ZMAT4: variants seen among roughly 807,000 people sequenced by gnomAD.
ZMAT4 encodes the protein zinc finger matrin-type protein 4.
Under a neutral mutation model 28.7 loss-of-function variants are expected in ZMAT4, and 17 were observed. The observed-to-expected ratio is 0.59, with a 90% CI of 0.41 to 0.89. ZMAT4 has a LOEUF of 0.89. ZMAT4 is among the 40% of genes least tolerant of loss of function. The probability of loss-of-function intolerance (pLI) is 0.00; values close to 1 mark genes in which losing one functional copy is unlikely to be tolerated. For missense variants in ZMAT4, 240 were observed against 283.8 expected (o/e 0.85, Z 1.11); for synonymous variants, 117 against 109.2 (o/e 1.07, Z -0.44).
chr8:40,599,265 T>C (rs1805212849), intron 5 of ZMAT4, among the ~76,000 whole-genome samples: 1 of 152,166 alleles, frequency 6.6e-6, no homozygotes, highest in African/African-American at 2.4e-5. Context: ...CAACATAGGA[T>C]CTGACACATA....
At chr8:40,567,724 A>G (rs555406134) in intron 6 of ZMAT4, among the ~76,000 whole-genome samples, 134 of 151,818 alleles carry the variant, frequency 8.8e-4, no homozygotes, top group African/African-American at 3.1e-3. Flanking sequence ...AGAAAGAACA[A>G]AAAAAAACCC....
intron 2 of ZMAT4, among the ~76,000 whole-genome samples, chr8:40,780,205 CACCTA>C (rs1813773544): frequency 6.6e-6 from 1 of 152,172 alleles, no homozygotes; most frequent in Non-Finnish European, 1.5e-5. Flanking sequence ...GCATTTGACA[CACCTA>C]ACCTACCCGA....
intron 3 of ZMAT4, among the ~76,000 whole-genome samples, chr8:40,719,568 T>TTTTTTTG (rs1251724751): frequency 1.3e-5 from 2 of 152,016 alleles, no homozygotes; most frequent in South Asian, 2.1e-4. Context: ...CTCAAGGCCC[T>TTTTTTTG]TTTTTTGTTT....
chr8:40,589,731 C>CCTTTCTTTCTTT (rs142961756), intron 5 of ZMAT4, among the ~76,000 whole-genome samples: 6,827 of 139,308 alleles, frequency 0.049, 263 homozygotes, highest in Non-Finnish European at 0.068. Context: ...TTCTTCCTTT[C>CCTTTCTTTCTTT]CTTTCTTTCT....
Position 40,763,374 on chromosome 8 carries a change from T to G in ZMAT4, c.192+4267A>C, listed in dbSNP as rs186565306. Among the ~76,000 whole-genome samples, 6 of 152,322 alleles carry G rather than the reference T, an allele frequency of 3.9e-5. No homozygotes were observed. In the East Asian group the frequency reaches 1.2e-3, roughly 29 times the overall value. ...TGGGTGATCACAGTCAATTACTTAA[T>G]CTCTCTGTTTGCTTCTCTGCTAAGT... On this transcript the variant is annotated intron_variant, in intron 3 of 6. Transcript: ENST00000297737.
intron 5 of ZMAT4, among the ~76,000 whole-genome samples, chr8:40,601,705 AAAAG>A (rs149230517): frequency 0.06 from 1,963 of 32,888 alleles, 119 homozygotes; most frequent in South Asian, 0.068. Context: ...AGAAAGAAAG[AAAAG>A]AAAGAAAGAA....
chr8:40,542,519 G>T (rs1397457801), intron 6 of ZMAT4, among the ~76,000 whole-genome samples: 1 of 151,950 alleles, frequency 6.6e-6, no homozygotes, highest in Non-Finnish European at 1.5e-5. Context: ...CTCTGGAGTA[G>T]CTGGGACTAC....
intron 1 of ZMAT4, among the ~76,000 whole-genome samples, chr8:40,828,168 A>G (rs570431415): frequency 6.6e-6 from 1 of 152,378 alleles, no homozygotes; most frequent in Admixed American, 6.5e-5. Context: ...GTCTCCATTC[A>G]TGTCCCAGAA....
At chr8:40,771,154 T>TTA (rs1813373780) in intron 2 of ZMAT4, among the ~76,000 whole-genome samples, 1 of 151,608 alleles carries the variant, frequency 6.6e-6, no homozygotes, top group South Asian at 2.1e-4. Flanking sequence ...GGAAGAAACT[T>TTA]TATATATATA....
intron 1 of ZMAT4, among the ~76,000 whole-genome samples, chr8:40,894,135 G>T (rs1273891178): frequency 6.6e-6 from 1 of 152,236 alleles, no homozygotes; most frequent in African/African-American, 2.4e-5. Context: ...GCAGGCGCAG[G>T]CCTCAGGACA....
At chr8:40,621,421 G>A (rs1806192971) in intron 5 of ZMAT4, among the ~76,000 whole-genome samples, 1 of 152,152 alleles carries the variant, frequency 6.6e-6, no homozygotes. Flanking sequence ...CCATCAGCTG[G>A]TGCTAATGAG....
At chr8:40,647,969 G>A (rs1807422310) in intron 5 of ZMAT4, among the ~76,000 whole-genome samples, 1 of 152,234 alleles carries the variant, frequency 6.6e-6, no homozygotes, top group East Asian at 1.9e-4. Flanking sequence ...CCACAAAGAT[G>A]GGGAAAAAAC....
At chr8:40,877,120 G>T (rs1209140775) in intron 1 of ZMAT4, among the ~76,000 whole-genome samples, 1 of 152,188 alleles carries the variant, frequency 6.6e-6, no homozygotes, top group East Asian at 1.9e-4. Flanking sequence ...CACAGTGACA[G>T]ACACGCATAG....
intron 2 of ZMAT4, among the ~76,000 whole-genome samples, chr8:40,803,943 A>T (rs1814966320): frequency 6.6e-6 from 1 of 152,198 alleles, no homozygotes; most frequent in African/African-American, 2.4e-5. Flanking sequence ...AGGAAACTTA[A>T]ATGCAGCTTG....
chr8:40,547,920 T>G (rs954788401), intron 6 of ZMAT4, among the ~76,000 whole-genome samples: 1 of 152,174 alleles, frequency 6.6e-6, no homozygotes, highest in East Asian at 1.9e-4. Flanking sequence ...TTATGAAGGA[T>G]GCGGAAGCAG....
intron 2 of ZMAT4, among the ~76,000 whole-genome samples, chr8:40,781,693 C>T (rs1334343111): frequency 5.6e-5 from 7 of 124,028 alleles, no homozygotes; most frequent in Admixed American, 2.1e-4. Context: ...ACCCGGGAGG[C>T]GGAGCTTGCA....
chr8:40,848,006 C>A (rs1457006169), intron 1 of ZMAT4, among the ~76,000 whole-genome samples: 2 of 152,190 alleles, frequency 1.3e-5, no homozygotes, highest in African/African-American at 4.8e-5. Flanking sequence ...ACCAGGCTGC[C>A]TTCTGGCAGT....
At chr8:40,890,526 G>C (rs549371772) in intron 1 of ZMAT4, among the ~76,000 whole-genome samples, 8 of 151,668 alleles carry the variant, frequency 5.3e-5, no homozygotes, top group Admixed American at 5.3e-4. Context: ...GCGGGCCCTC[G>C]CCATTTCTCA....
intron 3 of ZMAT4, among the ~76,000 whole-genome samples, chr8:40,734,376 A>G (rs564536392): frequency 2.6e-5 from 4 of 152,332 alleles, no homozygotes; most frequent in Admixed American, 6.5e-5. Flanking sequence ...TATGTAATGT[A>G]TCATCGGCAC....
Sources: allele counts gnomAD v4.1 joint callset (sites outside exome capture counted in the v4.1 genomes callset), GRCh38; gene constraint gnomAD v4.1.1; transcripts MANE v1.5; gene names NCBI Gene and HGNC (gene_info 2026-07-23, HGNC 2026-07-21).